The following STK38 variants were observed in gnomAD, a reference collection of about 807,000 sequenced individuals.
STK38 encodes the protein serine/threonine kinase 38.
STK38 carries 26 observed loss-of-function variants against 59.0 expected under a neutral mutation model. The observed-to-expected ratio is 0.44, with a 90% CI of 0.32 to 0.61. The LOEUF (loss-of-function observed/expected upper bound fraction) is 0.61. STK38 is among the 20% of genes least tolerant of loss of function. STK38 has a pLI of 0.04. For missense variants in STK38, 433 were observed against 566.0 expected (o/e 0.76, Z 2.38); for synonymous variants, 175 against 176.6 (o/e 0.99, Z 0.07).
intron 9 of STK38, among the ~76,000 whole-genome samples, chr6:36,506,073 A>G (rs1776955615): frequency 6.6e-6 from 1 of 152,240 alleles, no homozygotes; most frequent in African/African-American, 2.4e-5. Context: ...TAAAGTAATA[A>G]GCATTCCCTT....
chr6:36,528,125 T>C (rs1219676098), intron 2 of STK38, among the ~76,000 whole-genome samples: 1 of 145,450 alleles, frequency 6.9e-6, no homozygotes, highest in Non-Finnish European at 1.5e-5. Context: ...AAAAAAAGAG[T>C]GTACAGTATG....
At chr6:36,516,198 A>G (rs1777247772) in intron 6 of STK38, among the ~76,000 whole-genome samples, 1 of 152,256 alleles carries the variant, frequency 6.6e-6, no homozygotes, top group Non-Finnish European at 1.5e-5. Flanking sequence ...AACTTTTAAA[A>G]CACAGTATCA....
In STK38 at chr6:36,521,778, C is replaced by T. The variant is rs1777381150; in HGVS notation, c.346G>A (p.Ala116Thr). The T allele has an allele frequency of 1.9e-6, 3 of 1,611,702 alleles. No homozygotes were observed. The highest frequency in any genetic ancestry group is 2.5e-6 in the Non-Finnish European group (3 of 1,179,558). The change falls in exon 5 of 14, where the codon GCA becomes ACA. Residue 116 changes from alanine to threonine, a missense_variant. Transcript: ENST00000229812. ...VQKKDTGHVYAMKILRKADML... is the reference protein window; with the variant it reads ...VQKKDTGHVYTMKILRKADML... ...TCTGCTTTACGGAGTATTTTCATTG[C>T]ATACACATGTCCCGTATCTTTCTTC... is the stretch of plus-strand genomic sequence containing the variant.
At chr6:36,542,480 C>A (rs957106163) in intron 1 of STK38, among the ~76,000 whole-genome samples, 1 of 151,854 alleles carries the variant, frequency 6.6e-6, no homozygotes, top group Non-Finnish European at 1.5e-5. Flanking sequence ...TATTTTTTTC[C>A]TAAATTTAAA....
In STK38 at chr6:36,517,892, T is replaced by C. The variant is rs374612479; in HGVS notation, c.391-52A>G. On this transcript the variant is annotated intron_variant, in intron 5 of 13. Transcript: ENST00000229812. ...ACAAAGCTTGCTCTGCTTTATTAGA[T>C]TGTATATTTGCTTAAACAATTTAAA... is the stretch of plus-strand genomic sequence containing the variant. The C allele has an allele frequency of 6.6e-5, 105 of 1,593,090 alleles. 1 individual carries two copies. The East Asian group carries it at 1.3e-3, about 20-fold the overall frequency.
At position 36,494,841 on chromosome 6, in the gene STK38, G is replaced by A. The variant is rs1776660826; in HGVS notation, c.*943C>T. The A allele has an allele frequency of 6.6e-6, 1 of 152,324 alleles. No homozygotes were observed. Among genetic ancestry groups the A allele is most frequent in the Admixed American group, 6.5e-5 (1 of 15,280 alleles). 9.4% of individuals were successfully genotyped at this position (152,324 alleles called of 1,614,324 possible). A position where few individuals can be genotyped will look rare whatever the true frequency, so the allele number is the denominator to read the frequency against. On this transcript the variant is annotated 3_prime_UTR_variant, in exon 14 of 14. Transcript: ENST00000229812. ...GGGTTCTGGAGACCTTGCAGGAACA[G>A]GAACAGCACCTTAGCCAAGAGGGTT...
At chr6:36,499,039 T>C (rs904703238) in intron 10 of STK38, among the ~76,000 whole-genome samples, 2 of 152,154 alleles carry the variant, frequency 1.3e-5, no homozygotes, top group Non-Finnish European at 2.9e-5. Context: ...ATCATGCCTC[T>C]GGTACCACTA....
intron 4 of STK38, among the ~76,000 whole-genome samples, chr6:36,524,000 G>A (rs536163119): frequency 6.6e-6 from 1 of 152,288 alleles, no homozygotes; most frequent in East Asian, 1.9e-4. Context: ...TACCTTTAGA[G>A]TCTTAATTTC....
At position 36,493,910 on chromosome 6, in the gene STK38, T is replaced by G. The variant is rs1279721655; in HGVS notation, c.*1874A>C. ...CCACTACTGTTTTTACACAGTTTAT[T>G]CAGAAGTTTAAAAGTTAAAATGTGG... On this transcript the variant is annotated 3_prime_UTR_variant, in exon 14 of 14. Coordinates refer to ENST00000229812, the MANE Select transcript of STK38 (RefSeq NM_007271.4). 1 of 152,198 alleles carries G rather than the reference T, an allele frequency of 6.6e-6. No homozygotes were observed. The highest frequency in any genetic ancestry group is 1.9e-4 in the East Asian group (1 of 5,198). The allele number at this position is 152,198 out of a possible 1,614,324, so 9.4% of individuals were successfully genotyped here. A position where few individuals can be genotyped will look rare whatever the true frequency, so the allele number is the denominator to read the frequency against.
At chr6:36,508,647 G>T (rs1348800671) in intron 7 of STK38, among the ~76,000 whole-genome samples, 1 of 152,222 alleles carries the variant, frequency 6.6e-6, no homozygotes, top group Non-Finnish European at 1.5e-5. Context: ...TTTTGCTCAG[G>T]TCCGCTGGGC....
intron 2 of STK38, among the ~76,000 whole-genome samples, chr6:36,529,967 A>C (rs1293405759): frequency 1.3e-5 from 2 of 152,188 alleles, no homozygotes; most frequent in Admixed American, 1.3e-4. Flanking sequence ...AGGGCCAGGC[A>C]TGGTGGCTCA....
chr6:36,507,281 T>TA (rs1269987987), intron 8 of STK38, among the ~76,000 whole-genome samples: 1 of 152,032 alleles, frequency 6.6e-6, no homozygotes, highest in Non-Finnish European at 1.5e-5. Flanking sequence ...AGTAGACCTC[T>TA]AAAGACCCCT....
At chr6:36,513,530 G>T (rs1210334671) in intron 7 of STK38, among the ~76,000 whole-genome samples, 1 of 151,428 alleles carries the variant, frequency 6.6e-6, no homozygotes, top group Non-Finnish European at 1.5e-5. Context: ...GGCCAGGATG[G>T]TCTCGATCTC....
At chr6:36,508,743 G>C (rs957443314) in intron 7 of STK38, among the ~76,000 whole-genome samples, 1 of 152,256 alleles carries the variant, frequency 6.6e-6, no homozygotes, top group African/African-American at 2.4e-5. Context: ...AGAGTGGCAA[G>C]GCGTGTGTGA....
In STK38 at chr6:36,513,773, G is replaced by A. The variant is rs537484163; in HGVS notation, c.669+1565C>T. On this transcript the variant is annotated intron_variant, in intron 7 of 13. Transcript: ENST00000229812. The stretch of plus-strand genomic sequence containing the variant: ...AATCCCAGGACTTTGAGAGGCTGAG[G>A]TGGGAGGATCACTTAAACCAGGCAG... Among the ~76,000 whole-genome samples the A allele has an allele frequency of 9.9e-5, 15 of 151,022 alleles. 1 individual carries two copies. Among genetic ancestry groups the A allele is most frequent in the South Asian group, 4.2e-4 (2 of 4,778 alleles).
chr6:36,519,207 T>C (rs907906627), intron 5 of STK38, among the ~76,000 whole-genome samples: 1 of 152,216 alleles, frequency 6.6e-6, no homozygotes, highest in Non-Finnish European at 1.5e-5. Flanking sequence ...TCTGTACTTA[T>C]GGTATTGGGG....
chr6:36,544,448 T>A (rs1407193291), intron 1 of STK38, among the ~76,000 whole-genome samples: 1 of 151,848 alleles, frequency 6.6e-6, no homozygotes. Flanking sequence ...GCACTCTAAG[T>A]GTGTTTGGTG....
intron 9 of STK38, 39 bp from the exon 10 acceptor site, chr6:36,500,029 C>T (rs779418474): frequency 1.3e-6 from 2 of 1,502,792 alleles, no homozygotes; most frequent in Non-Finnish European, 1.9e-6. Context: ...CCCAGCCAGG[C>T]AGGAGGTGCC....
chr6:36,497,546 A>C (rs1464668925), intron 12 of STK38, among the ~76,000 whole-genome samples: 2 of 152,178 alleles, frequency 1.3e-5, no homozygotes, highest in Non-Finnish European at 2.9e-5. Context: ...CACCTCAAAA[A>C]ACAAAGTTCA....
Sources: allele counts gnomAD v4.1 joint callset (sites outside exome capture counted in the v4.1 genomes callset), GRCh38; gene constraint gnomAD v4.1.1; transcripts MANE v1.5; gene names NCBI Gene and HGNC (gene_info 2026-07-23, HGNC 2026-07-21).